DNAH11: variants seen among roughly 807,000 people sequenced by gnomAD.
The protein encoded by DNAH11 is dynein axonemal heavy chain 11, also known as axonemal beta dynein heavy chain 11.
DNAH11 carries 442 observed loss-of-function variants against 526.0 expected under a neutral mutation model. That is an observed-to-expected ratio of 0.84 (90% CI 0.78 to 0.91). The LOEUF (loss-of-function observed/expected upper bound fraction) is 0.91. DNAH11 is among the 40% of genes least tolerant of loss of function. The pLI, the probability that DNAH11 is intolerant of heterozygous loss-of-function variation, is 0.00. For synonymous variants in DNAH11, 2,461 were observed against 1,935.9 expected (o/e 1.27, Z -7.12); for missense variants, 6,989 against 5,448.7 (o/e 1.28, Z -8.90).
chr7:21,601,697 T>C, intron 18 of DNAH11, 79 bp downstream of exon 18: 1 of 1,091,354 alleles, frequency 9.2e-7, no homozygotes, highest in East Asian at 2.6e-5. Flanking sequence ...TGTACTCTCT[T>C]ATGATGTCCT....
At chr7:21,747,822 A>G (rs1016281680) in intron 51 of DNAH11, among the ~76,000 whole-genome samples, 4 of 152,226 alleles carry the variant, frequency 2.6e-5, no homozygotes, top group Non-Finnish European at 5.9e-5. Context: ...CTGTTGGTCT[A>G]AACAAATCCA....
intron 75 of DNAH11, 33 bp from the exon 76 acceptor site, chr7:21,884,258 C>G: frequency 1.3e-6 from 2 of 1,576,282 alleles, no homozygotes; most frequent in Non-Finnish European, 1.7e-6. Context: ...ACTCTGCACC[C>G]AGCAGTGAAT....
intron 28 of DNAH11, among the ~76,000 whole-genome samples, chr7:21,644,245 G>C (rs992141682): frequency 3.3e-5 from 5 of 152,126 alleles, no homozygotes; most frequent in African/African-American, 1.2e-4. Flanking sequence ...CAAATATCTA[G>C]ACCCCACATT....
chr7:21,799,929 A>C (rs566918407), intron 61 of DNAH11, among the ~76,000 whole-genome samples: 1 of 152,332 alleles, frequency 6.6e-6, no homozygotes, highest in South Asian at 2.1e-4. Context: ...CTTGGAACTT[A>C]ATATGCTAGC....
chr7:21,681,553 A>T lies in DNAH11; in HGVS notation c.5336A>T (p.Gln1779Leu). ...LKDFHKKQIS[Q>L]LNTLITLLLG... ...AAAAATGATTCCTTCTAGATTTCTC[A>T]GCTGAATACACTGATTACACTTTTG... Residue 1779 changes from glutamine to leucine, a missense_variant, in exon 31 of 82, where the codon CAG (glutamine) becomes CTG (leucine). By Grantham distance (113) the Gln-to-Leu change is moderately radical. Transcript: ENST00000409508. 1 of 1,613,770 alleles carries T rather than the reference A, an allele frequency of 6.2e-7. No homozygotes were observed. Among genetic ancestry groups the T allele is most frequent in the Non-Finnish European group, 8.5e-7 (1 of 1,179,706 alleles).
chr7:21,591,895 T>C (rs892520782), intron 14 of DNAH11, among the ~76,000 whole-genome samples: 2 of 152,200 alleles, frequency 1.3e-5, no homozygotes, highest in Non-Finnish European at 2.9e-5. Flanking sequence ...GTTTGTTGAC[T>C]GCCTCGTATG....
chr7:21,712,264 G>A (rs762473422), intron 42 of DNAH11, among the ~76,000 whole-genome samples: 15 of 151,908 alleles, frequency 9.9e-5, no homozygotes, highest in Admixed American at 5.2e-4. Flanking sequence ...ACCACATTTC[G>A]TTTACCCATT....
At chr7:21,579,672 A>G (rs1431626881) in intron 8 of DNAH11, among the ~76,000 whole-genome samples, 1 of 152,248 alleles carries the variant, frequency 6.6e-6, no homozygotes, top group East Asian at 1.9e-4. Flanking sequence ...GGTCTTATGC[A>G]GTAGATTATG....
intron 65 of DNAH11, among the ~76,000 whole-genome samples, chr7:21,826,683 A>G (rs1790313711): frequency 6.6e-6 from 1 of 152,066 alleles, no homozygotes; most frequent in Admixed American, 6.6e-5. Context: ...AAGAGATAGC[A>G]TTGAAAAGAG....
chr7:21,878,429 A>G (rs1413317299), intron 74 of DNAH11, among the ~76,000 whole-genome samples: 3 of 152,240 alleles, frequency 2.0e-5, no homozygotes, highest in Admixed American at 6.5e-5. Context: ...CCAAAGTGAA[A>G]TTTTGATACA....
chr7:21,870,230 C>T (rs1172254646), intron 73 of DNAH11, among the ~76,000 whole-genome samples: 3 of 152,156 alleles, frequency 2.0e-5, no homozygotes, highest in Non-Finnish European at 4.4e-5. Context: ...AAAATAGCCA[C>T]CCTCATGCAA....
chr7:21,714,894 G>A (rs1321195930), intron 42 of DNAH11, among the ~76,000 whole-genome samples: 2 of 152,186 alleles, frequency 1.3e-5, no homozygotes, highest in Non-Finnish European at 2.9e-5. Flanking sequence ...ACTTCTAGAT[G>A]ACTCTTGGAA....
intron 28 of DNAH11, among the ~76,000 whole-genome samples, chr7:21,653,354 A>T (rs1029658310): frequency 7.2e-5 from 11 of 152,238 alleles, no homozygotes; most frequent in Admixed American, 7.2e-4. Context: ...AAGTTTAAAT[A>T]GAAGACAGTA....
chr7:21,673,813 A>G (rs911501028), intron 30 of DNAH11, among the ~76,000 whole-genome samples: 1 of 151,642 alleles, frequency 6.6e-6, no homozygotes, highest in South Asian at 2.1e-4. Flanking sequence ...CATCACCACA[A>G]CCTATTTCTA....
chr7:21,711,901 A>G lies in DNAH11; in HGVS notation c.6983+41A>G, dbSNP rs1354823310. On this transcript the variant is annotated intron_variant, in intron 42 of 81. Transcript: ENST00000409508. ...TGTTTTATTGTAGTAAATTGTATGT[A>G]ACATAACATTTACCATTTTCATAAT... 2.6e-6 allele frequency: 4 copies of G among 1,558,698 alleles called. No individual in the cohort carries two copies. In the South Asian group the frequency reaches 3.5e-5, roughly 14 times the overall value.
rs563280837 is a variant in DNAH11, at chr7:21,702,774, G to C, written c.6245G>C (p.Arg2082Pro). The C allele has an allele frequency of 1.8e-5, 29 of 1,613,384 alleles. No homozygotes were observed. In the South Asian group the frequency reaches 3.1e-4, roughly 17 times the overall value. Residue 2082 changes from arginine to proline, a missense_variant, in exon 37 of 82, where the codon CGA (arginine) becomes CCA (proline). Physicochemically the swap from Arg to Pro is moderately radical, Grantham distance 103. Coordinates refer to ENST00000409508, the MANE Select transcript of DNAH11 (RefSeq NM_001277115.2). ...SVLVVAGSLK[R>P]GDKNRPEDQV... The stretch of plus-strand genomic sequence containing the variant: ...TTGGTTGTGGCTGGATCTCTGAAAC[G>C]AGGAGATAAAAATAGACCCGAAGAT...
chr7:21,812,412 G>A (rs921371866), intron 63 of DNAH11, among the ~76,000 whole-genome samples: 6 of 152,020 alleles, frequency 3.9e-5, no homozygotes, highest in Admixed American at 3.3e-4. Context: ...GGTGGCTCAC[G>A]TCTCCCAGTG....
intron 68 of DNAH11, among the ~76,000 whole-genome samples, chr7:21,859,908 A>C (rs186930079): frequency 5.9e-5 from 9 of 152,280 alleles, no homozygotes; most frequent in Admixed American, 5.9e-4. Context: ...AAACACAGCA[A>C]ATAACCAGAT....
intron 56 of DNAH11, among the ~76,000 whole-genome samples, chr7:21,774,708 T>A (rs1165077994): frequency 6.6e-6 from 1 of 152,196 alleles, no homozygotes; most frequent in African/African-American, 2.4e-5. Context: ...CAGGTCTGTG[T>A]TGCTCTGATG....
Sources: gnomAD v4.1 joint callset for allele counts (sites outside exome capture counted in the v4.1 genomes callset) on GRCh38, gnomAD v4.1.1 for gene constraint, MANE v1.5 for transcripts, NCBI Gene and HGNC (gene_info 2026-07-23, HGNC 2026-07-21) for gene names.